Variants in C11orf98 observed in about 807,000 individuals in gnomAD.
C11orf98 encodes the protein 28S rRNA/ribosome and sororin micro-cofactor.
Under a neutral mutation model 10.9 loss-of-function variants are expected in C11orf98, and 7 were observed. That is an observed-to-expected ratio of 0.64 (90% confidence interval 0.37 to 1.21). The LOEUF (loss-of-function observed/expected upper bound fraction) is 1.21. Ranked by LOEUF, C11orf98 falls within the 50% of genes most tolerant of loss-of-function variation. The pLI is 0.02. For synonymous variants in C11orf98, 70 were observed against 57.2 expected, an observed-to-expected ratio of 1.22 and a Z score of -1.01; for missense variants, 181 against 153.7, an observed-to-expected ratio of 1.18 and a Z score of -0.94.
chr11:62,664,846 T>C lies in C11orf98; in HGVS notation c.164+3A>G. The C allele has an allele frequency of 6.4e-7, 1 of 1,563,538 alleles. No homozygotes were observed. Among genetic ancestry groups the C allele is most frequent in the Non-Finnish European group, 8.7e-7 (1 of 1,153,672 alleles). On this transcript the variant is annotated splice_donor_region_variant and intron_variant, in intron 2 of 3. Coordinates refer to ENST00000524958, the MANE Select transcript of C11orf98 (RefSeq NM_001286086.2). ...ACCAACAGGAAGAGGGTCTAGTACT[T>C]ACGCCCGCTTCTTGAGGTGGTGCCG...
chr11:62,665,181 C>T lies in C11orf98; in HGVS notation c.-12G>A, dbSNP rs2134612680. On this transcript the variant is annotated 5_prime_UTR_variant, in exon 1 of 4. Coordinates refer to ENST00000524958, the MANE Select transcript of C11orf98 (RefSeq NM_001286086.2). ...CCCGGAGCTCCCATAGTCGCGATTCCACTCCAGTTCACGGTCCGTACTTCC... is the reference window on the plus strand; with the variant it reads ...CCCGGAGCTCCCATAGTCGCGATTCTACTCCAGTTCACGGTCCGTACTTCC... 1.2e-6 allele frequency: 1 copy of T among 814,764 alleles called. No individual in the cohort carries two copies. The highest frequency in any genetic ancestry group is 2.1e-6 in the Non-Finnish European group (1 of 487,416). 50.5% of individuals were successfully genotyped at this position (814,764 alleles called of 1,614,324 possible).
At chr11:62,665,045 C>G (rs929691921) in intron 1 of C11orf98, 72 bp from the exon 2 acceptor site, 12 of 1,592,470 alleles carry the variant, frequency 7.5e-6, no homozygotes, top group Non-Finnish European at 9.4e-6. Flanking sequence ...CCAGGCAGCC[C>G]CGGCCCCTCA....
Position 62,663,279 on chromosome 11 carries a change from G to A in C11orf98, c.219C>T (p.Leu73=). The A allele has an allele frequency of 1.2e-6, 2 of 1,614,180 alleles. No homozygotes were observed. The highest frequency in any genetic ancestry group is 1.7e-6 in the Non-Finnish European group (2 of 1,180,024). ...CTTTCTGGGCAAGCCGGATCTGCTG[G>A]AGGAGTTTTCTGCGCTTCTTCCCTG... ...TLSGKKRRKL[L]QQIRLAQKEK... The change falls in exon 3 of 4, where the codon CTC becomes CTT. Residue 73 remains leucine, a synonymous_variant. Coordinates refer to ENST00000524958, the MANE Select transcript of C11orf98 (RefSeq NM_001286086.2).
chr11:62,665,114 G>C lies in C11orf98; in HGVS notation c.39+17C>G. The C allele has an allele frequency of 7.8e-7, 1 of 1,279,270 alleles. No homozygotes were observed. The highest frequency in any genetic ancestry group is 2.5e-5 in the East Asian group (1 of 39,852). 79.2% of individuals were successfully genotyped at this position (1,279,270 alleles called of 1,614,324 possible). On this transcript the variant is annotated intron_variant, in intron 1 of 3. Transcript: ENST00000524958. ...GGAACGCTTGAGGAAACAAAGTCGC[G>C]GCCCCCACACAGTCACCGTTCGGGG...
chr11:62,664,869 C>A lies in C11orf98; in HGVS notation c.144G>T (p.Arg48=), dbSNP rs1361286548. Residue 48 remains arginine, a synonymous_variant, in exon 2 of 4, where the codon CGG becomes CGT. Coordinates refer to ENST00000524958, the MANE Select transcript of C11orf98 (RefSeq NM_001286086.2). ...CTTACGCCCGCTTCTTGAGGTGGTGCCGCGTGATCAGCCCTTGGTCTATCA... is the reference window on the plus strand; with the variant it reads ...CTTACGCCCGCTTCTTGAGGTGGTGACGCGTGATCAGCCCTTGGTCTATCA... ...GAVIDQGLIT[R]HHLKKRASSA... 4.4e-6 allele frequency: 7 copies of A among 1,575,214 alleles called. No individual in the cohort carries two copies. The East Asian group carries it at 1.4e-4, about 32-fold the overall frequency.
chr11:62,665,205 C>A lies in C11orf98; in HGVS notation c.-36G>T. ...CCACTCCAGTTCACGGTCCGTACTT[C>A]CGCTCAGCGCCGGATCCGCGGGGCT... On this transcript the variant is annotated 5_prime_UTR_variant, in exon 1 of 4. Coordinates refer to ENST00000524958, the MANE Select transcript of C11orf98 (RefSeq NM_001286086.2). 1 of 792,524 alleles carries A rather than the reference C, an allele frequency of 1.3e-6. No individual in the cohort carries two copies. Among genetic ancestry groups the A allele is most frequent in the Non-Finnish European group, 2.1e-6 (1 of 467,580 alleles). The allele number at this position is 792,524 out of a possible 1,614,324, so 49.1% of individuals were successfully genotyped here. A position where few individuals can be genotyped will look rare whatever the true frequency, so the allele number is the denominator to read the frequency against.
At chr11:62,663,502 C>A (rs1463963380) in intron 2 of C11orf98, among the ~76,000 whole-genome samples, 169 bp from the exon 3 acceptor site, 2 of 151,820 alleles carry the variant, frequency 1.3e-5, no homozygotes, top group Non-Finnish European at 2.9e-5. Flanking sequence ...GTCAGGAGAT[C>A]GAGACCACGG....
chr11:62,665,180 C>T lies in C11orf98; in HGVS notation c.-11G>A. The T allele has an allele frequency of 1.2e-6, 1 of 823,168 alleles. No homozygotes were observed. The highest frequency in any genetic ancestry group is 2.0e-6 in the Non-Finnish European group (1 of 495,128). 51.0% of individuals were successfully genotyped at this position (823,168 alleles called of 1,614,324 possible). A position where few individuals can be genotyped will look rare whatever the true frequency, so the allele number is the denominator to read the frequency against. ...CCCCGGAGCTCCCATAGTCGCGATT[C>T]CACTCCAGTTCACGGTCCGTACTTC... On this transcript the variant is annotated 5_prime_UTR_variant, in exon 1 of 4. Transcript: ENST00000524958.
At position 62,663,057 on chromosome 11, in the gene C11orf98, T is replaced by C. The variant is rs779084248; in HGVS notation, c.365A>G (p.Glu122Gly). ...TCTTCTAGTGGAAGAGGTTTAGCTC[T>C]CATCTTCAAGGTCCTTCATTTCTAC... ...QDVEMKDLEDES is the reference protein window; with the variant it reads ...QDVEMKDLEDGS Residue 122 changes from glutamate (E) to glycine (G), a missense_variant, in exon 4 of 4, where the codon GAG becomes GGG. Transcript: ENST00000524958. The C allele has an allele frequency of 6.3e-7, 1 of 1,586,510 alleles. No individual in the cohort carries two copies. Among genetic ancestry groups the C allele is most frequent in the South Asian group, 1.1e-5 (1 of 90,376 alleles).
Position 62,663,331 on chromosome 11 carries a change from G to A in C11orf98, c.167C>T (p.Ser56Phe), listed in dbSNP as rs1163560691. The change falls in exon 3 of 4, where the codon TCC (serine) becomes TTC (phenylalanine). Residue 56 changes from serine to phenylalanine, a missense_variant and splice_region_variant. Ser to Phe is a radical substitution (Grantham distance 155, BLOSUM62 -2). Transcript: ENST00000524958. ...ITRHHLKKRASSARANITLSG... is the reference protein window; with the variant it reads ...ITRHHLKKRAFSARANITLSG... The stretch of plus-strand genomic sequence containing the variant: ...CAGTGTAATGTTGGCACGTGCACTG[G>A]ACCTGATGGGTAAGTGGAAATAAAG... 3 of 1,613,408 alleles carry A rather than the reference G, an allele frequency of 1.9e-6. No individual in the cohort carries two copies. Among genetic ancestry groups the A allele is most frequent in the South Asian group, 2.2e-5 (2 of 91,056 alleles).
chr11:62,663,548 G>A (rs1944710079), intron 2 of C11orf98, among the ~76,000 whole-genome samples: 1 of 152,006 alleles, frequency 6.6e-6, no homozygotes, highest in African/African-American at 2.4e-5. Context: ...CAAAACATTA[G>A]CTGGGCGCAG....
In C11orf98 at chr11:62,662,848, T is replaced by A. The variant is rs1590843246; in HGVS notation, c.*202A>T. The A allele has an allele frequency of 3.8e-6, 2 of 525,078 alleles. No homozygotes were observed. The highest frequency in any genetic ancestry group is 2.5e-5 in the South Asian group (1 of 39,902). The allele number at this position is 525,078 out of a possible 1,614,324, so 32.5% of individuals were successfully genotyped here. On this transcript the variant is annotated 3_prime_UTR_variant, in exon 4 of 4. Coordinates refer to ENST00000524958, the MANE Select transcript of C11orf98 (RefSeq NM_001286086.2). ...TGCTAGGGCTTTATTACAAATGGAG[T>A]TGACTGCTAGAGAGGCCCTTCTCCA...
At chr11:62,663,742 T>G (rs868319826) in intron 2 of C11orf98, among the ~76,000 whole-genome samples, 2 of 147,370 alleles carry the variant, frequency 1.4e-5, no homozygotes, top group Non-Finnish European at 3.0e-5. Context: ...ATATAAATAG[T>G]AATAGAAACC....
chr11:62,664,016 T>A (rs1035184334), intron 2 of C11orf98, among the ~76,000 whole-genome samples: 4 of 136,386 alleles, frequency 2.9e-5, no homozygotes, highest in African/African-American at 1.1e-4. Context: ...GGGGTTGCAG[T>A]GAGCCGAGAT....
intron 2 of C11orf98, 146 bp from the exon 3 acceptor site, chr11:62,663,479 G>A (rs1171043309): frequency 2.7e-6 from 2 of 732,580 alleles, no homozygotes; most frequent in South Asian, 1.9e-5. Context: ...GGCCGAGGCG[G>A]CTGGATCACG....
rs529098314 is a variant in C11orf98, at chr11:62,663,766, T to C, written c.165-433A>G. The stretch of plus-strand genomic sequence containing the variant: ...GTAATAGAAACCCTAAATATTTACA[T>C]TGAAGAAGCTAATGAAAGGACATAG... On this transcript the variant is annotated intron_variant, in intron 2 of 3. Coordinates refer to ENST00000524958, the MANE Select transcript of C11orf98 (RefSeq NM_001286086.2). 1.1e-4 allele frequency among the ~76,000 whole-genome samples: 16 copies of C among 150,056 alleles called. No homozygotes were observed. The South Asian group carries it at 1.3e-3, about 12-fold the overall frequency.
At chr11:62,663,461 C>A in intron 2 of C11orf98, 128 bp from the exon 3 acceptor site, 1 of 906,414 alleles carries the variant, frequency 1.1e-6, no homozygotes, top group Non-Finnish European at 1.6e-6. Flanking sequence ...AATCCCAGCA[C>A]TTTGGGAGGC....
intron 1 of C11orf98, 37 bp downstream of exon 1, chr11:62,665,094 G>A: frequency 6.9e-7 from 1 of 1,439,394 alleles, no homozygotes; most frequent in Non-Finnish European, 9.5e-7. Flanking sequence ...GCTCAGGAAC[G>A]CTTGAGGAAA....
chr11:62,663,580 G>A (rs1246408102), intron 2 of C11orf98, among the ~76,000 whole-genome samples: 3 of 151,766 alleles, frequency 2.0e-5, no homozygotes, highest in Admixed American at 6.6e-5. Flanking sequence ...TGTAGTCCCA[G>A]CTACTCGGGA....
Sources: gnomAD v4.1 joint callset for allele counts (sites outside exome capture counted in the v4.1 genomes callset) on GRCh38, gnomAD v4.1.1 for gene constraint, MANE v1.5 for transcripts, NCBI Gene and HGNC (gene_info 2026-07-23, HGNC 2026-07-21) for gene names.